The following MGAT4C variants were observed in gnomAD, a reference collection of about 807,000 sequenced individuals.
MGAT4C encodes the protein alpha-1,3-mannosyl-glycoprotein 4-beta-N-acetylglucosaminyltransferase C.
MGAT4C carries 19 observed loss-of-function variants against 40.1 expected under a neutral mutation model. The observed-to-expected ratio is 0.47, with a 90% CI of 0.33 to 0.70. The LOEUF is 0.70. MGAT4C is among the 30% of genes least tolerant of loss of function. The pLI is 0.02. For synonymous variants in MGAT4C, 181 were observed against 187.1 expected, an observed-to-expected ratio of 0.97 and a Z score of 0.27; for missense variants, 491 against 563.2, an observed-to-expected ratio of 0.87 and a Z score of 1.30.
chr12:86,355,160 AT>A (rs1390277561), intron 3 of MGAT4C, among the ~76,000 whole-genome samples: 4 of 152,110 alleles, frequency 2.6e-5, no homozygotes, highest in Non-Finnish European at 5.9e-5. Context: ...TGATTGGTGC[AT>A]TTTTACAGAG....
intron 1 of MGAT4C, among the ~76,000 whole-genome samples, chr12:86,176,040 T>G (rs1463766995): frequency 6.6e-6 from 1 of 152,166 alleles, no homozygotes; most frequent in Non-Finnish European, 1.5e-5. Context: ...TAGTTTTGGG[T>G]GAACCCCGGC....
intron 2 of MGAT4C, among the ~76,000 whole-genome samples, chr12:86,723,704 T>TG (rs199499511): frequency 0.037 from 5,684 of 152,200 alleles, 149 homozygotes; most frequent in Non-Finnish European, 0.048. Context: ...TACATGAGTT[T>TG]GGGGGGGACA....
chr12:86,443,814 TC>T (rs751596842), intron 2 of MGAT4C, among the ~76,000 whole-genome samples: 7 of 152,108 alleles, frequency 4.6e-5, no homozygotes, highest in Non-Finnish European at 1.0e-4. Context: ...CAGGATGGTC[TC>T]AATCTCCTGA....
intron 4 of MGAT4C, among the ~76,000 whole-genome samples, chr12:86,290,162 T>A (rs2136127154): frequency 6.6e-6 from 1 of 152,202 alleles, no homozygotes; most frequent in Non-Finnish European, 1.5e-5. Context: ...TTCTCCTGCC[T>A]CAGCCGCCCA....
chr12:86,696,551 A>C (rs190681671), intron 2 of MGAT4C, among the ~76,000 whole-genome samples: 111 of 152,348 alleles, frequency 7.3e-4, no homozygotes, highest in African/African-American at 2.6e-3. Context: ...GGTGGATGCA[A>C]AATATTCATT....
At chr12:86,120,623 A>C (rs554999022) in intron 1 of MGAT4C, among the ~76,000 whole-genome samples, 6 of 152,304 alleles carry the variant, frequency 3.9e-5, no homozygotes, top group African/African-American at 1.4e-4. Flanking sequence ...ATACCCTGGG[A>C]AACAGGGTCT....
At chr12:86,487,028 A>G (rs1958031712) in intron 2 of MGAT4C, among the ~76,000 whole-genome samples, 1 of 152,224 alleles carries the variant, frequency 6.6e-6, no homozygotes, top group African/African-American at 2.4e-5. Flanking sequence ...ACTGGTGTAT[A>G]AACTGAAGTT....
intron 2 of MGAT4C, among the ~76,000 whole-genome samples, chr12:86,681,384 T>C (rs1418819448): frequency 6.6e-6 from 1 of 152,038 alleles, no homozygotes; most frequent in Admixed American, 6.6e-5. Context: ...CTATGAGATT[T>C]TCCCTCTTCA....
In MGAT4C at chr12:85,976,814, C is replaced by A. The variant is rs1050577602; in HGVS notation, c.*2475G>T. 2 of 150,302 alleles carry A rather than the reference C, an allele frequency of 1.3e-5. No homozygotes were observed. The highest frequency in any genetic ancestry group is 4.9e-5 in the African/African-American group (2 of 41,074). 9.3% of individuals were successfully genotyped at this position (150,302 alleles called of 1,614,324 possible). On this transcript the variant is annotated 3_prime_UTR_variant, in exon 5 of 5. Coordinates refer to ENST00000611864, the MANE Select transcript of MGAT4C (RefSeq NM_001351288.2). The stretch of plus-strand genomic sequence containing the variant: ...GCCTCTGAGACAAGATTACTAGACC[C>A]TTATTCAAAGTTTCTAAATATAGGA...
chr12:86,347,280 A>G (rs1167636500), intron 3 of MGAT4C, among the ~76,000 whole-genome samples: 1 of 152,188 alleles, frequency 6.6e-6, no homozygotes, highest in Non-Finnish European at 1.5e-5. Context: ...AAGTCTAATT[A>G]TAAAATATGT....
At chr12:86,087,960 T>C (rs970998530) in intron 1 of MGAT4C, among the ~76,000 whole-genome samples, 3 of 152,030 alleles carry the variant, frequency 2.0e-5, no homozygotes, top group Non-Finnish European at 4.4e-5. Flanking sequence ...GTTGGAGGCA[T>C]CACATTACCC....
chr12:86,576,530 T>C (rs1960564914), intron 2 of MGAT4C, among the ~76,000 whole-genome samples: 1 of 151,912 alleles, frequency 6.6e-6, no homozygotes, highest in South Asian at 2.1e-4. Flanking sequence ...GTTTCATTCT[T>C]TTGCATATGG....
At chr12:86,757,896 C>A (rs1041422722) in intron 1 of MGAT4C, among the ~76,000 whole-genome samples, 4 of 152,106 alleles carry the variant, frequency 2.6e-5, no homozygotes, top group Non-Finnish European at 5.9e-5. Flanking sequence ...TTCTTATGTC[C>A]TCTCTGGGTC....
chr12:86,822,514 T>C (rs957715824), intron 1 of MGAT4C, among the ~76,000 whole-genome samples: 1 of 150,414 alleles, frequency 6.6e-6, no homozygotes, highest in Admixed American at 6.7e-5. Flanking sequence ...TCCATGCAAA[T>C]GGGAACAAAA....
intron 2 of MGAT4C, among the ~76,000 whole-genome samples, chr12:85,990,960 G>T (rs1885850934): frequency 6.6e-6 from 1 of 152,184 alleles, no homozygotes; most frequent in Non-Finnish European, 1.5e-5. Flanking sequence ...TCTTCAGAGT[G>T]TTGCTTTTCT....
chr12:86,720,702 A>G (rs1950722677), intron 2 of MGAT4C, among the ~76,000 whole-genome samples: 1 of 152,198 alleles, frequency 6.6e-6, no homozygotes, highest in Non-Finnish European at 1.5e-5. Context: ...TAAGGCACTC[A>G]TAAGTTAGTT....
At chr12:86,698,469 G>A (rs1565932545) in intron 2 of MGAT4C, among the ~76,000 whole-genome samples, 1 of 152,072 alleles carries the variant, frequency 6.6e-6, no homozygotes, top group Non-Finnish European at 1.5e-5. Context: ...TCTTGTCACA[G>A]CAGCTGTCTT....
At chr12:86,720,863 T>A (rs371004552) in intron 2 of MGAT4C, among the ~76,000 whole-genome samples, 1 of 152,146 alleles carries the variant, frequency 6.6e-6, no homozygotes, top group South Asian at 2.1e-4. Context: ...CTCACTCACA[T>A]CAAAGATACA....
At chr12:86,321,355 T>G (rs188002993) in intron 4 of MGAT4C, among the ~76,000 whole-genome samples, 116 of 152,318 alleles carry the variant, frequency 7.6e-4, no homozygotes, top group African/African-American at 2.6e-3. Flanking sequence ...TTTGATTTAA[T>G]TTAAGTTATG....
Sources: allele counts gnomAD v4.1 joint callset (sites outside exome capture counted in the v4.1 genomes callset), GRCh38; gene constraint gnomAD v4.1.1; transcripts MANE v1.5; gene names NCBI Gene and HGNC (gene_info 2026-07-23, HGNC 2026-07-21).